SPHKAP: variants seen among roughly 807,000 people sequenced by gnomAD.
The protein encoded by SPHKAP is A-kinase anchor protein SPHKAP.
SPHKAP carries 67 observed loss-of-function variants against 137.5 expected under a neutral mutation model. That is an observed-to-expected ratio of 0.49 (90% CI 0.40 to 0.60). SPHKAP has a LOEUF of 0.60. SPHKAP is among the 20% of genes least tolerant of loss of function. SPHKAP has a pLI of 0.00. For synonymous variants in SPHKAP, 813 were observed against 785.3 expected (o/e 1.04, Z -0.59); for missense variants, 2,097 against 2,069.3 (o/e 1.01, Z -0.26).
chr2:228,124,043 T>C (rs12617561), intron 2 of SPHKAP, among the ~76,000 whole-genome samples: 49,967 of 149,170 alleles, frequency 0.33, 8,629 homozygotes, highest in East Asian at 0.49. Context: ...GATACCATCT[T>C]GCACCAGTTA....
chr2:228,171,188 A>G (rs1258255136), intron 1 of SPHKAP, among the ~76,000 whole-genome samples: 1 of 152,126 alleles, frequency 6.6e-6, no homozygotes, highest in Non-Finnish European at 1.5e-5. Flanking sequence ...TTGGAGATTT[A>G]TTATTATTAT....
chr2:228,142,954 C>T (rs1305587817), intron 1 of SPHKAP, among the ~76,000 whole-genome samples: 1 of 152,108 alleles, frequency 6.6e-6, no homozygotes, highest in Non-Finnish European at 1.5e-5. Flanking sequence ...AACTCTTATC[C>T]GTGCATGCCT....
In SPHKAP at chr2:228,017,032, C is replaced by T. The variant is rs369170852; in HGVS notation, c.3822G>A (p.Val1274=). 1.2e-6 allele frequency: 2 copies of T among 1,614,066 alleles called. No homozygotes were observed. The highest frequency in any genetic ancestry group is 2.2e-5 in the South Asian group (2 of 91,074). Residue 1274 remains valine, a synonymous_variant, in exon 7 of 12, where the codon GTG becomes GTA. Transcript: ENST00000392056. ...ATGAGGACGCGCTACTGACCGGCTG[C>T]ACGCTTAGGAAATCTTGTGGGCAGT... The part of the protein sequence containing the change: ...AQNCPQDFLS[V]QPVSSASSSG...
At chr2:228,034,851 CAAT>C (rs932872482) in intron 3 of SPHKAP, among the ~76,000 whole-genome samples, 1 of 152,086 alleles carries the variant, frequency 6.6e-6, no homozygotes, top group African/African-American at 2.4e-5. Flanking sequence ...TAAAAACTCT[CAAT>C]AAATTAGGTA....
At chr2:228,030,954 C>T (rs567730738) in intron 3 of SPHKAP, among the ~76,000 whole-genome samples, 4 of 152,240 alleles carry the variant, frequency 2.6e-5, no homozygotes, top group Admixed American at 6.5e-5. Flanking sequence ...CCAGTGTGAG[C>T]GATGCAGAAG....
Position 228,106,149 on chromosome 2 carries a change from C to T in SPHKAP, c.246+2683G>A, listed in dbSNP as rs1698338292. ...ACAAACAGGGGTACTGAAATATGCA[C>T]ACAACCCTCTCAATATTTTCCAAGT... On this transcript the variant is annotated intron_variant, in intron 3 of 11. Transcript: ENST00000392056. Among the ~76,000 whole-genome samples the T allele has an allele frequency of 1.3e-5, 2 of 152,166 alleles. 1 individual carries two copies. The highest frequency in any genetic ancestry group is 4.1e-4 in the South Asian group (2 of 4,830).
chr2:227,988,910 G>A (rs1693310202), intron 11 of SPHKAP, among the ~76,000 whole-genome samples: 1 of 152,194 alleles, frequency 6.6e-6, no homozygotes, highest in Non-Finnish European at 1.5e-5. Flanking sequence ...GTATAGGAAG[G>A]TGCCTAGAAT....
In SPHKAP at chr2:228,019,101, G is replaced by C; in HGVS notation, c.1753C>G (p.Pro585Ala). ...EREEVTCSVA[P>A]SGSLPPAAEA... ...GCTGCAGGCGGGAGGCTACCACTTG[G>C]AGCCACTGAGCATGTCACCTCTTCT... is the stretch of plus-strand genomic sequence containing the variant. The change falls in exon 7 of 12, where the codon CCA becomes GCA. Residue 585 changes from proline (P) to alanine (A), a missense_variant. By Grantham distance (27) the Pro-to-Ala change is conservative (BLOSUM62 -1). Transcript: ENST00000392056. 6.2e-7 allele frequency: 1 copy of C among 1,613,992 alleles called. No individual in the cohort carries two copies. The highest frequency in any genetic ancestry group is 1.3e-5 in the African/African-American group (1 of 75,044).
intron 5 of SPHKAP, among the ~76,000 whole-genome samples, chr2:228,022,862 T>C (rs1198187565): frequency 6.6e-6 from 1 of 152,224 alleles, no homozygotes; most frequent in African/African-American, 2.4e-5. Flanking sequence ...CCTCTACTAC[T>C]AGTACTTCAG....
At chr2:228,006,836 G>T (rs955133314) in intron 7 of SPHKAP, among the ~76,000 whole-genome samples, 2 of 152,198 alleles carry the variant, frequency 1.3e-5, no homozygotes, top group African/African-American at 2.4e-5. Flanking sequence ...GTATAGCAGT[G>T]GAGGCTGCAG....
intron 3 of SPHKAP, among the ~76,000 whole-genome samples, chr2:228,042,351 A>G (rs957376691): frequency 3.9e-5 from 6 of 152,100 alleles, no homozygotes. Flanking sequence ...AATTCTTACT[A>G]TTATTATATA....
At chr2:228,012,265 TTTGCTTGTCTTCC>T (rs540717334) in intron 7 of SPHKAP, among the ~76,000 whole-genome samples, 4 of 151,954 alleles carry the variant, frequency 2.6e-5, no homozygotes, top group South Asian at 2.1e-4. Flanking sequence ...CTAAAGCTTA[TTTGCTTGTCTTCC>T]TTGCTTGTCT....
intron 1 of SPHKAP, among the ~76,000 whole-genome samples, chr2:228,161,545 C>T (rs2106413479): frequency 6.6e-6 from 1 of 152,168 alleles, no homozygotes; most frequent in Middle Eastern, 3.4e-3. Flanking sequence ...TACACACTGT[C>T]AGAGGGGTGA....
intron 3 of SPHKAP, among the ~76,000 whole-genome samples, chr2:228,074,047 C>A (rs569172173): frequency 6.6e-6 from 1 of 152,198 alleles, no homozygotes; most frequent in South Asian, 2.1e-4. Context: ...CAAAAGTCAC[C>A]ATATAGGTGG....
At position 228,020,154 on chromosome 2, in the gene SPHKAP, A is replaced by C; in HGVS notation, c.700T>G (p.Tyr234Asp). ...ESEVDESRND[Y>D]ENINVSANVL... ...TTGGCTGAGACATTTATATTTTCAT[A>C]ATCTAGTGAGGAGAAAATGAGGGGC... is the stretch of plus-strand genomic sequence containing the variant. The change falls in exon 7 of 12, where the codon TAT becomes GAT. Residue 234 changes from tyrosine to aspartate, a missense_variant and splice_region_variant. Transcript: ENST00000392056. 1.3e-6 allele frequency: 2 copies of C among 1,590,806 alleles called. No homozygotes were observed. Among genetic ancestry groups the C allele is most frequent in the Non-Finnish European group, 1.7e-6 (2 of 1,171,488 alleles).
intron 5 of SPHKAP, among the ~76,000 whole-genome samples, chr2:228,024,801 T>C (rs367831844): frequency 6.6e-6 from 1 of 152,198 alleles, no homozygotes; most frequent in East Asian, 1.9e-4. Context: ...TTTAAATAAA[T>C]AATGTTATAG....
At chr2:228,032,545 T>A (rs1227262325) in intron 3 of SPHKAP, among the ~76,000 whole-genome samples, 9 of 151,802 alleles carry the variant, frequency 5.9e-5, no homozygotes, top group African/African-American at 1.9e-4. Context: ...ACAAAGATAC[T>A]CCTCGAGAAG....
intron 3 of SPHKAP, among the ~76,000 whole-genome samples, chr2:228,077,884 C>A (rs547042951): frequency 6.6e-6 from 1 of 152,156 alleles, no homozygotes; most frequent in Non-Finnish European, 1.5e-5. Flanking sequence ...ACAATTCCCA[C>A]GTGTTGTGGG....
At chr2:228,079,915 A>G (rs1305840545) in intron 3 of SPHKAP, among the ~76,000 whole-genome samples, 1 of 152,226 alleles carries the variant, frequency 6.6e-6, no homozygotes, top group African/African-American at 2.4e-5. Flanking sequence ...AAACCACGCC[A>G]TGTGCATATC....
Sources: gnomAD v4.1 joint callset for allele counts (sites outside exome capture counted in the v4.1 genomes callset) on GRCh38, gnomAD v4.1.1 for gene constraint, MANE v1.5 for transcripts, NCBI Gene and HGNC (gene_info 2026-07-23, HGNC 2026-07-21) for gene names.